The following KCNMB2 variants were observed in gnomAD, a reference collection of about 807,000 sequenced individuals.
KCNMB2 encodes the protein potassium calcium-activated channel subfamily M regulatory beta subunit 2, also known as calcium-activated potassium channel subunit beta-2.
KCNMB2 carries 9 observed loss-of-function variants against 24.5 expected under a neutral mutation model. That is an observed-to-expected ratio of 0.37 (90% CI 0.22 to 0.64). The LOEUF (loss-of-function observed/expected upper bound fraction) is 0.64. Among genes scored for constraint, KCNMB2 ranks in the 30% least tolerant of loss-of-function variants. KCNMB2 has a pLI of 0.63. For missense variants in KCNMB2, 226 were observed against 284.3 expected (o/e 0.79, Z 1.47); for synonymous variants, 109 against 104.4 (o/e 1.04, Z -0.27).
At chr3:178,835,797 C>T (rs1715206456) in intron 4 of KCNMB2, among the ~76,000 whole-genome samples, 1 of 151,930 alleles carries the variant, frequency 6.6e-6, no homozygotes, top group African/African-American at 2.4e-5. Flanking sequence ...CATGTGTGGC[C>T]CACCTCTATG....
intron 1 of KCNMB2, among the ~76,000 whole-genome samples, chr3:178,684,881 T>C (rs891050717): frequency 9.2e-5 from 14 of 152,248 alleles, no homozygotes; most frequent in Admixed American, 3.3e-4. Flanking sequence ...GCAACCTTTT[T>C]ACTATCTCCA....
At chr3:178,576,162 G>T (rs1716981046) in intron 1 of KCNMB2, among the ~76,000 whole-genome samples, 1 of 151,828 alleles carries the variant, frequency 6.6e-6, no homozygotes, top group Non-Finnish European at 1.5e-5. Context: ...ATCTCATTGG[G>T]ACTGGTTAGA....
At chr3:178,646,863 A>T (rs1487014304) in intron 1 of KCNMB2, among the ~76,000 whole-genome samples, 1 of 152,212 alleles carries the variant, frequency 6.6e-6, no homozygotes, top group Non-Finnish European at 1.5e-5. Context: ...GTCTTTATTA[A>T]AAAAGCATTT....
At chr3:178,679,319 C>T (rs1721188235) in intron 1 of KCNMB2, among the ~76,000 whole-genome samples, 1 of 152,130 alleles carries the variant, frequency 6.6e-6, no homozygotes, top group South Asian at 2.1e-4. Context: ...CAGCCTGGAA[C>T]TCCTGGGCTC....
chr3:178,556,917 A>T (rs946033643), intron 1 of KCNMB2, among the ~76,000 whole-genome samples: 1 of 152,220 alleles, frequency 6.6e-6, no homozygotes, highest in Admixed American at 6.5e-5. Context: ...CAAGGAGCAG[A>T]ACCATTGAGA....
intron 1 of KCNMB2, among the ~76,000 whole-genome samples, chr3:178,671,086 G>GC (rs554721100): frequency 9.8e-4 from 142 of 145,444 alleles, no homozygotes; most frequent in African/African-American, 3.5e-3. Context: ...CACCACCACT[G>GC]CCCCCCTCAC....
At chr3:178,564,256 C>T (rs373758669) in intron 1 of KCNMB2, among the ~76,000 whole-genome samples, 13 of 147,086 alleles carry the variant, frequency 8.8e-5, no homozygotes, top group Middle Eastern at 3.4e-3. Context: ...CCAGCCTGGG[C>T]GACAGAGCGA....
intron 1 of KCNMB2, among the ~76,000 whole-genome samples, chr3:178,591,952 C>A (rs1432112201): frequency 6.6e-6 from 1 of 152,028 alleles, no homozygotes; most frequent in Non-Finnish European, 1.5e-5. Flanking sequence ...AAACAGTATT[C>A]TGCCACCAAT....
chr3:178,766,292 C>G (rs1211294182), intron 1 of KCNMB2, among the ~76,000 whole-genome samples: 1 of 152,154 alleles, frequency 6.6e-6, no homozygotes. Context: ...TTCCTGGGCT[C>G]AAGCGATCCT....
chr3:178,745,364 G>A (rs940924252), intron 1 of KCNMB2, among the ~76,000 whole-genome samples: 1 of 152,114 alleles, frequency 6.6e-6, no homozygotes, highest in Non-Finnish European at 1.5e-5. Context: ...CAGATCTTGT[G>A]AGACTTATTT....
intron 1 of KCNMB2, among the ~76,000 whole-genome samples, chr3:178,540,395 C>T (rs1431020416): frequency 6.6e-6 from 1 of 152,240 alleles, no homozygotes; most frequent in Admixed American, 6.5e-5. Flanking sequence ...CTCTACCCAA[C>T]ACTGGTGGTC....
chr3:178,670,311 C>T (rs1485205681), intron 1 of KCNMB2, among the ~76,000 whole-genome samples: 1 of 151,958 alleles, frequency 6.6e-6, no homozygotes, highest in Non-Finnish European at 1.5e-5. Context: ...TGGGCTCTAC[C>T]CACTAGATAT....
chr3:178,547,380 T>C (rs763344594), intron 1 of KCNMB2, among the ~76,000 whole-genome samples: 3 of 152,206 alleles, frequency 2.0e-5, no homozygotes, highest in Non-Finnish European at 4.4e-5. Flanking sequence ...ATATTTGAGA[T>C]GTGGATAGAG....
At chr3:178,590,058 T>G (rs1465059760) in intron 1 of KCNMB2, among the ~76,000 whole-genome samples, 1 of 152,160 alleles carries the variant, frequency 6.6e-6, no homozygotes, top group Non-Finnish European at 1.5e-5. Flanking sequence ...GGCCCAGAAG[T>G]ATGACAGTGA....
At chr3:178,605,526 T>A (rs2863186) in intron 1 of KCNMB2, among the ~76,000 whole-genome samples, 1 of 151,898 alleles carries the variant, frequency 6.6e-6, no homozygotes, top group Non-Finnish European at 1.5e-5. Flanking sequence ...AGTTTGCATT[T>A]CCATGAATAG....
rs553727971 is a variant in KCNMB2 at position 178,762,048 on chromosome 3, G to A, written c.-67-45295G>A. On this transcript the variant is annotated intron_variant, in intron 1 of 4. Transcript: ENST00000452583. ...TAACCAGGCGTCGTAGCGGGCGCCT[G>A]TAGTCCCAGCTACTCGGGAGGCTGA... Among the ~76,000 whole-genome samples the A allele has an allele frequency of 3.6e-3, 548 of 152,278 alleles. 4 individuals are homozygous for A. The highest frequency in any genetic ancestry group is 0.027 in the Middle Eastern group (8 of 294).
chr3:178,745,507 C>A (rs1723636016), intron 1 of KCNMB2, among the ~76,000 whole-genome samples: 1 of 152,200 alleles, frequency 6.6e-6, no homozygotes. Context: ...TCATTCCACC[C>A]TTGGCCCCTC....
intron 4 of KCNMB2, among the ~76,000 whole-genome samples, chr3:178,839,428 A>T (rs985333552): frequency 6.6e-6 from 1 of 152,218 alleles, no homozygotes; most frequent in African/African-American, 2.4e-5. Context: ...ATTTAAAGCC[A>T]GGTGGGGGTT....
intron 1 of KCNMB2, among the ~76,000 whole-genome samples, chr3:178,762,584 G>A (rs1032219479): frequency 8.6e-5 from 13 of 151,924 alleles, no homozygotes; most frequent in African/African-American, 3.1e-4. Context: ...TAGAATGTAA[G>A]GGAACAGCCA....
Sources: allele counts gnomAD v4.1 joint callset (sites outside exome capture counted in the v4.1 genomes callset), GRCh38; gene constraint gnomAD v4.1.1; transcripts MANE v1.5; gene names NCBI Gene and HGNC (gene_info 2026-07-23, HGNC 2026-07-21).